CAMTA1: variants seen among roughly 807,000 people sequenced by gnomAD.
CAMTA1 encodes calmodulin binding transcription activator 1.
Under a neutral mutation model 170.9 loss-of-function variants are expected in CAMTA1, and 27 were observed. The ratio of observed to expected loss-of-function variants is 0.16; its 90% CI spans 0.12 to 0.22. The LOEUF is 0.22. Ranked by LOEUF, CAMTA1 falls within the 10% of genes least tolerant of loss-of-function variation. The probability of loss-of-function intolerance (pLI) is 1.00; values close to 1 mark genes in which losing one functional copy is unlikely to be tolerated. For synonymous variants in CAMTA1, 833 were observed against 891.5 expected, an observed-to-expected ratio of 0.93 and a Z score of 1.17; for missense variants, 1,619 against 2,217.2, an observed-to-expected ratio of 0.73 and a Z score of 5.42.
chr1:7,213,674 TG>T (rs1313149535), intron 4 of CAMTA1, among the ~76,000 whole-genome samples: 4 of 152,122 alleles, frequency 2.6e-5, no homozygotes, highest in Non-Finnish European at 5.9e-5. Flanking sequence ...TAGTTACATA[TG>T]TATACATGTG....
At chr1:6,893,971 CT>C (rs1387065786) in intron 3 of CAMTA1, among the ~76,000 whole-genome samples, 13 of 152,216 alleles carry the variant, frequency 8.5e-5, no homozygotes, top group African/African-American at 2.9e-4. Flanking sequence ...CCTTTCCTTT[CT>C]CCTCTCTCTT....
intron 3 of CAMTA1, among the ~76,000 whole-genome samples, chr1:6,868,302 CTTTT>C (rs540800023): frequency 7.7e-6 from 1 of 129,302 alleles, no homozygotes; most frequent in East Asian, 2.6e-4. Flanking sequence ...GAGCGAGACT[CTTTT>C]TTTTTTTTTT....
At chr1:7,236,512 C>T (rs942411499) in intron 4 of CAMTA1, among the ~76,000 whole-genome samples, 1 of 152,268 alleles carries the variant, frequency 6.6e-6, no homozygotes, top group South Asian at 2.1e-4. Context: ...AACAAGACAT[C>T]AGGAGGGGGT....
intron 6 of CAMTA1, among the ~76,000 whole-genome samples, chr1:7,611,324 C>T (rs191333241): frequency 7.2e-5 from 11 of 152,286 alleles, no homozygotes; most frequent in South Asian, 2.1e-4. Flanking sequence ...ACATTATCTC[C>T]GTTACTGAGT....
chr1:7,528,954 G>T (rs1207145698), intron 6 of CAMTA1, among the ~76,000 whole-genome samples: 1 of 151,942 alleles, frequency 6.6e-6, no homozygotes, highest in Non-Finnish European at 1.5e-5. Flanking sequence ...TCCTGCACAG[G>T]GTTGGTGCCA....
chr1:6,959,635 T>C (rs548008965), intron 3 of CAMTA1, among the ~76,000 whole-genome samples: 3 of 152,206 alleles, frequency 2.0e-5, no homozygotes, highest in Non-Finnish European at 4.4e-5. Flanking sequence ...AAGTAGCTAA[T>C]GTTGACTGAG....
At position 7,333,829 on chromosome 1, in the gene CAMTA1, CCT is replaced by C. The variant is rs1399248332; in HGVS notation, c.438+84210_438+84211del. On this transcript the variant is annotated intron_variant, in intron 5 of 22. Coordinates refer to ENST00000303635, the MANE Select transcript of CAMTA1 (RefSeq NM_015215.4). The surrounding 1 kb of genome is among the most constrained non-coding windows in gnomAD (Gnocchi z 4.4). The stretch of plus-strand genomic sequence containing the variant: ...AGCATTTTTGTAGCCTCCTCAAAAT[CCT>C]CTCTCTGTGTTTACATTTTAATGGG... 1.1e-4 allele frequency among the ~76,000 whole-genome samples: 17 copies of C among 152,264 alleles called. No individual in the cohort carries two copies. The highest frequency in any genetic ancestry group is 2.1e-4 in the Non-Finnish European group (14 of 68,026).
At chr1:7,008,035 C>T (rs1474155577) in intron 3 of CAMTA1, among the ~76,000 whole-genome samples, 1 of 152,166 alleles carries the variant, frequency 6.6e-6, no homozygotes, top group African/African-American at 2.4e-5. Context: ...AGTCCCACCC[C>T]AGCCTGCGTG....
At chr1:7,203,344 A>G (rs1657051518) in intron 4 of CAMTA1, among the ~76,000 whole-genome samples, 2 of 152,192 alleles carry the variant, frequency 1.3e-5, no homozygotes, top group Admixed American at 1.3e-4. Context: ...TATCAGAGTA[A>G]CACAGGTTTC....
At chr1:7,697,145 A>C (rs1195700114) in intron 11 of CAMTA1, among the ~76,000 whole-genome samples, 2 of 152,190 alleles carry the variant, frequency 1.3e-5, no homozygotes, top group Non-Finnish European at 2.9e-5. Flanking sequence ...CGAACAGCAT[A>C]GGGAGGAAAG....
chr1:6,979,996 C>T (rs1694155157), intron 3 of CAMTA1, among the ~76,000 whole-genome samples: 2 of 152,106 alleles, frequency 1.3e-5, no homozygotes, highest in Non-Finnish European at 2.9e-5. Context: ...TAGAAAAACG[C>T]ACCCCCATCC....
At chr1:7,626,450 C>T (rs576051758) in intron 6 of CAMTA1, among the ~76,000 whole-genome samples, 13 of 152,326 alleles carry the variant, frequency 8.5e-5, no homozygotes, top group Middle Eastern at 3.4e-3. Context: ...CAGGAAGACA[C>T]TAAACAGAAA....
intron 3 of CAMTA1, among the ~76,000 whole-genome samples, chr1:7,082,030 TC>T (rs1640079014): frequency 6.6e-6 from 1 of 152,172 alleles, no homozygotes; most frequent in African/African-American, 2.4e-5. Flanking sequence ...TGTTCCATTT[TC>T]CCCACTCCCA....
At chr1:7,257,733 T>C (rs1427464433) in intron 5 of CAMTA1, among the ~76,000 whole-genome samples, 1 of 152,148 alleles carries the variant, frequency 6.6e-6, no homozygotes, top group Admixed American at 6.5e-5. Context: ...AGTACAAGTA[T>C]GTCTATATTA....
At chr1:6,875,502 C>T (rs894436279) in intron 3 of CAMTA1, among the ~76,000 whole-genome samples, 2 of 152,132 alleles carry the variant, frequency 1.3e-5, no homozygotes, top group African/African-American at 4.8e-5. Flanking sequence ...CCAGGCTGGT[C>T]TCGAACTTTC....
chr1:7,642,244 G>A lies in CAMTA1; in HGVS notation c.664+1691G>A, dbSNP rs763744928. 6.6e-6 allele frequency among the ~76,000 whole-genome samples: 1 copy of A among 152,206 alleles called. No individual in the cohort carries two copies. Among genetic ancestry groups the A allele is most frequent in the Non-Finnish European group, 1.5e-5 (1 of 68,034 alleles). On this transcript the variant is annotated intron_variant, in intron 7 of 22. Transcript: ENST00000303635. This position sits in a 1 kb window ranked among gnomAD's most constrained non-coding sequence, Gnocchi z 6.3. ...TGCTGCCGAGCACCGGGAAGCATGG[G>A]GAAATGGCACAGCTGCCCTTGGGAA...
In CAMTA1 at chr1:7,736,902, G is replaced by T; in HGVS notation, c.3264-29G>T. The stretch of plus-strand genomic sequence containing the variant: ...TTTCCTTTTAACGGTGGTGAATAGT[G>T]TGGTAATTTCTGGTGCTCTCCCTTA... On this transcript the variant is annotated intron_variant, in intron 13 of 22. Transcript: ENST00000303635. The surrounding 1 kb of genome is among the most constrained non-coding windows in gnomAD (Gnocchi z 4.5). 6.4e-7 allele frequency: 1 copy of T among 1,557,858 alleles called. No individual in the cohort carries two copies. Among genetic ancestry groups the T allele is most frequent in the Non-Finnish European group, 8.8e-7 (1 of 1,132,674 alleles).
At chr1:7,205,174 C>G (rs754301064) in intron 4 of CAMTA1, among the ~76,000 whole-genome samples, 2 of 152,052 alleles carry the variant, frequency 1.3e-5, no homozygotes, top group African/African-American at 4.8e-5. Flanking sequence ...ATGTTGTGCT[C>G]TCCGCTCACT....
intron 3 of CAMTA1, among the ~76,000 whole-genome samples, chr1:6,901,889 T>A (rs1324435407): frequency 6.6e-6 from 1 of 151,898 alleles, no homozygotes; most frequent in African/African-American, 2.4e-5. Context: ...CTACTAAAAG[T>A]ACAAAAATTA....
Sources: gnomAD v4.1 joint callset for allele counts (sites outside exome capture counted in the v4.1 genomes callset) on GRCh38, gnomAD v4.1.1 for gene constraint, Gnocchi (gnomAD v3.1) non-coding constraint, MANE v1.5 for transcripts, NCBI Gene and HGNC (gene_info 2026-07-23, HGNC 2026-07-21) for gene names.